Variants in TRRAP observed in about 807,000 individuals in gnomAD.
TRRAP encodes transformation/transcription domain-associated protein.
Under a neutral mutation model 438.8 loss-of-function variants are expected in TRRAP, and 41 were observed. The observed-to-expected ratio is 0.09, with a 90% confidence interval of 0.07 to 0.12. The LOEUF is 0.12. Among genes scored for constraint, TRRAP ranks in the 10% least tolerant of loss-of-function variants. The pLI is 1.00. For synonymous variants in TRRAP, 1,994 were observed against 1,962.9 expected (o/e 1.02, Z -0.42); for missense variants, 3,122 against 5,055.1 (o/e 0.62, Z 11.60).
rs751348859 is a variant in TRRAP, at chr7:98,962,453, C to T, written c.6829+26C>T. The T allele has an allele frequency of 1.3e-5, 21 of 1,613,374 alleles. No individual in the cohort carries two copies. The East Asian group carries it at 3.3e-4, about 26-fold the overall frequency. On this transcript the variant is annotated intron_variant, in intron 47 of 72. Coordinates refer to ENST00000456197, the MANE Select transcript of TRRAP (RefSeq NM_001375524.1). The stretch of plus-strand genomic sequence containing the variant: ...GTGAGTGTGTGTCTGTCCTGGTGTT[C>T]GTGGTGGCTCAGTTTGGCCTCTTTC...
intron 53 of TRRAP, 196 bp from the exon 54 acceptor site, chr7:98,975,953 T>C: frequency 3.0e-6 from 2 of 658,608 alleles, no homozygotes; most frequent in Non-Finnish European, 4.8e-6. Context: ...GCTTGGCTGC[T>C]AAGTGCACCA....
chr7:98,928,524 T>C (rs1790157289), intron 23 of TRRAP, among the ~76,000 whole-genome samples: 1 of 152,190 alleles, frequency 6.6e-6, no homozygotes. Context: ...GTTAACATTG[T>C]CTTTCTGGCA....
At chr7:98,954,961 T>C (rs1791528635) in intron 40 of TRRAP, 137 bp from the exon 41 acceptor site, 1 of 819,864 alleles carries the variant, frequency 1.2e-6, no homozygotes, top group Non-Finnish European at 1.9e-6. Context: ...AACTAAGTTG[T>C]TTCCTAATAA....
intron 20 of TRRAP, among the ~76,000 whole-genome samples, chr7:98,918,120 CAAAAA>C (rs113483218): frequency 1.7e-5 from 2 of 116,278 alleles, no homozygotes; most frequent in Non-Finnish European, 3.8e-5. Flanking sequence ...GACCCTGTCT[CAAAAA>C]AAAAAAAAAG....
intron 47 of TRRAP, among the ~76,000 whole-genome samples, 200 bp from the exon 48 acceptor site, chr7:98,964,429 T>G (rs1792061304): frequency 6.6e-6 from 1 of 152,202 alleles, no homozygotes; most frequent in Admixed American, 6.5e-5. Flanking sequence ...TCATGATGAT[T>G]TGATCTAGTT....
At chr7:99,006,004 C>G (rs1170583964) in intron 69 of TRRAP, among the ~76,000 whole-genome samples, 2 of 152,218 alleles carry the variant, frequency 1.3e-5, no homozygotes, top group East Asian at 3.9e-4. Flanking sequence ...ACTCTGGGCC[C>G]TCCCTGAATT....
At chr7:98,989,257 G>A (rs1793282441) in intron 63 of TRRAP, among the ~76,000 whole-genome samples, 1 of 152,240 alleles carries the variant, frequency 6.6e-6, no homozygotes, top group Non-Finnish European at 1.5e-5. Flanking sequence ...CTGAGGAGGG[G>A]ATGTGGAGCT....
intron 3 of TRRAP, among the ~76,000 whole-genome samples, chr7:98,890,059 C>T (rs1445557703): frequency 3.3e-5 from 5 of 152,128 alleles, no homozygotes; most frequent in Non-Finnish European, 7.4e-5. Context: ...TAGATCGTGG[C>T]AGAGACAAGC....
Position 98,931,391 on chromosome 7 carries a change from T to C in TRRAP, c.3592-14T>C. 2.5e-6 allele frequency: 4 copies of C among 1,611,432 alleles called. No homozygotes were observed. Among genetic ancestry groups the C allele is most frequent in the Non-Finnish European group, 3.4e-6 (4 of 1,178,916 alleles). On this transcript the variant is annotated splice_polypyrimidine_tract_variant and intron_variant, in intron 25 of 72. Coordinates refer to ENST00000456197, the MANE Select transcript of TRRAP (RefSeq NM_001375524.1). The stretch of plus-strand genomic sequence containing the variant: ...ATCGCCCTGCTTTCATTCTAAGACA[T>C]CCCTGACTTGCAGGTTTCCAATGGG...
At chr7:98,977,657 T>G (rs1252616014) in intron 56 of TRRAP, among the ~76,000 whole-genome samples, 1 of 152,206 alleles carries the variant, frequency 6.6e-6, no homozygotes, top group African/African-American at 2.4e-5. Context: ...AGGTTTTGTT[T>G]TTGCTTACGT....
At chr7:98,954,308 G>T (rs782239073) in intron 40 of TRRAP, among the ~76,000 whole-genome samples, 4 of 152,238 alleles carry the variant, frequency 2.6e-5, no homozygotes, top group Non-Finnish European at 5.9e-5. Flanking sequence ...TAATGTCTCC[G>T]TGTGAGAATT....
chr7:98,984,885 G>A (rs2116768288), intron 61 of TRRAP, 59 bp from the exon 62 acceptor site: 4 of 1,131,644 alleles, frequency 3.5e-6, no homozygotes, highest in Non-Finnish European at 3.9e-6. Flanking sequence ...TATTTTATGA[G>A]GTTTTCATAT....
At position 98,887,627 on chromosome 7, in the gene TRRAP, A is replaced by T. The variant is rs371413712; in HGVS notation, c.151-2708A>T. On this transcript the variant is annotated intron_variant, in intron 3 of 72. Transcript: ENST00000456197. ...GGCTCTGTAATCCCAGCTACTCTGGAGGCTGAGGCAGGAGAATCACTTGAA... is the reference window on the plus strand; with the variant it reads ...GGCTCTGTAATCCCAGCTACTCTGGTGGCTGAGGCAGGAGAATCACTTGAA... Among the ~76,000 whole-genome samples the T allele has an allele frequency of 4.8e-5, 7 of 145,424 alleles. 1 individual carries two copies. In the East Asian group the frequency reaches 8.8e-4, roughly 18 times the overall value.
At chr7:98,955,661 C>T (rs1357465341) in intron 41 of TRRAP, among the ~76,000 whole-genome samples, 1 of 152,144 alleles carries the variant, frequency 6.6e-6, no homozygotes, top group African/African-American at 2.4e-5. Context: ...TTGCTGGCAC[C>T]TCCTTCTCTG....
chr7:98,935,821 G>T (rs1348184744), intron 28 of TRRAP, 146 bp downstream of exon 28: 1 of 550,710 alleles, frequency 1.8e-6, no homozygotes, highest in Admixed American at 3.4e-5. Context: ...AATTATTTTT[G>T]TATGTTTATC....
rs762766031 is a variant in TRRAP, at chr7:98,976,276, TA to T, written c.7959+9del. ...TCTGACAGACAGCAGCATGTGAGTGTATCTTTAAAATCCTGTTTTGGAAAAT... is the reference window on the plus strand; with the variant it reads ...TCTGACAGACAGCAGCATGTGAGTGTTCTTTAAAATCCTGTTTTGGAAAAT... On this transcript the variant is annotated intron_variant, in intron 54 of 72. Coordinates refer to ENST00000456197, the MANE Select transcript of TRRAP (RefSeq NM_001375524.1). The surrounding 1 kb of genome is among the most constrained non-coding windows in gnomAD (Gnocchi z 4.6). The T allele has an allele frequency of 6.2e-7, 1 of 1,613,756 alleles. No individual in the cohort carries two copies. The highest frequency in any genetic ancestry group is 1.1e-5 in the South Asian group (1 of 91,032).
chr7:98,933,525 C>CAGGT, intron 27 of TRRAP, 123 bp downstream of exon 27: 1 of 1,322,476 alleles, frequency 7.6e-7, no homozygotes. Context: ...CTGCAGGTAA[C>CAGGT]CCACTGACAC....
chr7:98,935,489 G>A (rs2116536120), intron 27 of TRRAP, 90 bp from the exon 28 acceptor site: 1 of 1,081,232 alleles, frequency 9.2e-7, no homozygotes, highest in Non-Finnish European at 1.4e-6. Flanking sequence ...GTGTTGCAGT[G>A]TGTGGAAGAT....
chr7:98,880,809 A>G (rs1554402930), intron 1 of TRRAP, among the ~76,000 whole-genome samples: 3 of 152,208 alleles, frequency 2.0e-5, no homozygotes, highest in Non-Finnish European at 2.9e-5. Context: ...TAAAATATCT[A>G]CTATGTGGCT....
Sources: allele counts gnomAD v4.1 joint callset (sites outside exome capture counted in the v4.1 genomes callset), GRCh38; gene constraint gnomAD v4.1.1; non-coding constraint Gnocchi (gnomAD v3.1); transcripts MANE v1.5; gene names NCBI Gene and HGNC (gene_info 2026-07-23, HGNC 2026-07-21).